Variants in B3GALT1 observed in about 807,000 individuals in gnomAD.
The protein encoded by B3GALT1 is beta-1,3-galactosyltransferase 1.
A neutral mutation model predicts 23.2 loss-of-function variants in B3GALT1; 10 were observed. The observed-to-expected ratio is 0.43, with a 90% CI of 0.27 to 0.73. The LOEUF is 0.73. B3GALT1 is among the 30% of genes least tolerant of loss of function. The pLI, the probability that B3GALT1 is intolerant of heterozygous loss-of-function variation, is 0.21. For missense variants in B3GALT1, 299 were observed against 405.4 expected, an observed-to-expected ratio of 0.74 and a Z score of 2.25; for synonymous variants, 156 against 141.5, an observed-to-expected ratio of 1.10 and a Z score of -0.73.
intron 2 of B3GALT1, among the ~76,000 whole-genome samples, chr2:167,578,043 G>A (rs1000367129): frequency 1.3e-5 from 2 of 151,890 alleles, no homozygotes; most frequent in African/African-American, 4.8e-5. Flanking sequence ...TCTATTCAGA[G>A]ATTTATTATA....
intron 3 of B3GALT1, among the ~76,000 whole-genome samples, chr2:167,664,406 G>T (rs1686133220): frequency 6.6e-6 from 1 of 151,750 alleles, no homozygotes; most frequent in Non-Finnish European, 1.5e-5. Flanking sequence ...GATGCCTCCA[G>T]CTTTGTTCTT....
chr2:167,658,751 C>T (rs149882096), intron 3 of B3GALT1, among the ~76,000 whole-genome samples: 41 of 151,968 alleles, frequency 2.7e-4, no homozygotes, highest in Non-Finnish European at 4.4e-4. Context: ...AAGTATAATG[C>T]AAGGTAATTA....
intron 3 of B3GALT1, among the ~76,000 whole-genome samples, chr2:167,698,330 T>C (rs781775988): frequency 6.6e-5 from 10 of 152,336 alleles, no homozygotes; most frequent in Middle Eastern, 3.4e-3. Flanking sequence ...GAGGAAAAGA[T>C]ACAAAATTAT....
intron 3 of B3GALT1, among the ~76,000 whole-genome samples, chr2:167,775,681 TACACAC>T (rs147735818): frequency 6.7e-6 from 1 of 150,264 alleles, no homozygotes; most frequent in African/African-American, 2.4e-5. Flanking sequence ...TTTGAAAGTA[TACACAC>T]ACACACACAC....
chr2:167,520,760 A>G (rs1467949243), intron 2 of B3GALT1, among the ~76,000 whole-genome samples: 1 of 152,146 alleles, frequency 6.6e-6, no homozygotes, highest in Non-Finnish European at 1.5e-5. Flanking sequence ...ATGCGTTAGG[A>G]TCTTGATTCC....
chr2:167,456,464 C>T (rs1310898013), intron 1 of B3GALT1, among the ~76,000 whole-genome samples: 1 of 152,128 alleles, frequency 6.6e-6, no homozygotes, highest in East Asian at 1.9e-4. Flanking sequence ...ACATACCATA[C>T]ATATAAATCA....
intron 3 of B3GALT1, among the ~76,000 whole-genome samples, chr2:167,656,895 C>A (rs1007590335): frequency 3.9e-5 from 6 of 151,976 alleles, no homozygotes; most frequent in African/African-American, 1.4e-4. Context: ...TGGTATTCAA[C>A]AAATACCGAG....
intron 1 of B3GALT1, among the ~76,000 whole-genome samples, chr2:167,379,914 A>G (rs899627889): frequency 3.3e-5 from 5 of 152,216 alleles, no homozygotes; most frequent in African/African-American, 1.2e-4. Flanking sequence ...ATGTCTGGAG[A>G]TCTGCCTGTG....
intron 1 of B3GALT1, among the ~76,000 whole-genome samples, chr2:167,341,815 A>G (rs1203919895): frequency 5.3e-5 from 8 of 152,192 alleles, no homozygotes; most frequent in Admixed American, 3.3e-4. Flanking sequence ...ACTTGGTATG[A>G]CTTTTGTAAT....
rs145298125 is a variant in B3GALT1 at position 167,817,941 on chromosome 2, T to C, written c.-351-731T>C. 2.3e-3 allele frequency among the ~76,000 whole-genome samples: 344 copies of C among 152,314 alleles called. 3 individuals carry two copies. The highest frequency in any genetic ancestry group is 7.9e-3 in the African/African-American group (327 of 41,570). On this transcript the variant is annotated intron_variant, in intron 3 of 4. Coordinates refer to ENST00000392690, the MANE Select transcript of B3GALT1 (RefSeq NM_020981.4). ...GTGGCAGAGTGGTCATAAGTGACAC[T>C]AAAAGGTCTTAAGTGAAAGGGAAGG...
At chr2:167,300,095 G>T (rs1345116525) in intron 1 of B3GALT1, among the ~76,000 whole-genome samples, 3 of 152,014 alleles carry the variant, frequency 2.0e-5, no homozygotes, top group African/African-American at 7.2e-5. Context: ...AGTAGATACG[G>T]GGTTTCACCA....
chr2:167,460,268 G>C (rs1342964896), intron 1 of B3GALT1, among the ~76,000 whole-genome samples: 1 of 152,060 alleles, frequency 6.6e-6, no homozygotes, highest in African/African-American at 2.4e-5. Context: ...TGTCCCACAG[G>C]TCTCTTACGG....
intron 3 of B3GALT1, among the ~76,000 whole-genome samples, chr2:167,653,807 C>T (rs1187409935): frequency 1.3e-5 from 2 of 152,166 alleles, no homozygotes; most frequent in African/African-American, 4.8e-5. Flanking sequence ...ACTGCCAGTG[C>T]CCTGGTGGGA....
chr2:167,775,491 C>T lies in B3GALT1; in HGVS notation c.-351-43181C>T, dbSNP rs1249482316. Among the ~76,000 whole-genome samples, 17 of 151,466 alleles carry T rather than the reference C, an allele frequency of 1.1e-4. 1 individual carries two copies. The highest frequency in any genetic ancestry group is 1.1e-3 in the Admixed American group (17 of 15,198). The stretch of plus-strand genomic sequence containing the variant: ...GGCTGAGGCAGGAGAATCGCTTGAA[C>T]CTGGAAGGCAGAGGTTGCAGTGAGC... On this transcript the variant is annotated intron_variant, in intron 3 of 4. Coordinates refer to ENST00000392690, the MANE Select transcript of B3GALT1 (RefSeq NM_020981.4).
chr2:167,660,693 CT>C (rs1686044765), intron 3 of B3GALT1, among the ~76,000 whole-genome samples: 1 of 152,084 alleles, frequency 6.6e-6, no homozygotes, highest in African/African-American at 2.4e-5. Flanking sequence ...AGCCACACCC[CT>C]ATAAGCAGAT....
chr2:167,314,879 ACT>A (rs762940253), intron 1 of B3GALT1, among the ~76,000 whole-genome samples: 23 of 151,528 alleles, frequency 1.5e-4, no homozygotes, highest in Non-Finnish European at 2.5e-4. Flanking sequence ...GCCTAATAAA[ACT>A]CTCTTAAATC....
chr2:167,578,908 C>T (rs1187960715), intron 2 of B3GALT1, among the ~76,000 whole-genome samples: 1 of 151,982 alleles, frequency 6.6e-6, no homozygotes, highest in African/African-American at 2.4e-5. Flanking sequence ...ATTCAAACCA[C>T]AGAATGGAGC....
At chr2:167,685,007 A>T (rs1273117609) in intron 3 of B3GALT1, among the ~76,000 whole-genome samples, 3 of 152,180 alleles carry the variant, frequency 2.0e-5, no homozygotes, top group Admixed American at 2.0e-4. Context: ...CCTACTCCAA[A>T]CTGTGGAAAT....
intron 3 of B3GALT1, among the ~76,000 whole-genome samples, chr2:167,676,534 CACACACACACACACACACACAT>C (rs1246757866): frequency 1.3e-5 from 2 of 150,376 alleles, no homozygotes; most frequent in African/African-American, 5.0e-5. Context: ...CACACACACA[CACACACACACACACACACACAT>C]ATATATGTGT....
Sources: allele counts gnomAD v4.1 joint callset (sites outside exome capture counted in the v4.1 genomes callset), GRCh38; gene constraint gnomAD v4.1.1; transcripts MANE v1.5; gene names NCBI Gene and HGNC (gene_info 2026-07-23, HGNC 2026-07-21).